Variants in ADGRL2 observed in about 807,000 individuals in gnomAD.
ADGRL2 encodes calcium-independent alpha-latrotoxin receptor 2.
ADGRL2 carries 44 observed loss-of-function variants against 157.4 expected under a neutral mutation model. The ratio of observed to expected loss-of-function variants is 0.28; its 90% CI spans 0.22 to 0.36. The LOEUF is 0.36. ADGRL2 is among the 10% of genes least tolerant of loss of function. The pLI, the probability that ADGRL2 is intolerant of heterozygous loss-of-function variation, is 1.00. For synonymous variants in ADGRL2, 585 were observed against 624.7 expected (o/e 0.94, Z 0.95); for missense variants, 1,510 against 1,768.9 (o/e 0.85, Z 2.63).
intron 1 of ADGRL2, among the ~76,000 whole-genome samples, chr1:81,436,521 A>G (rs1231516883): frequency 6.6e-6 from 1 of 152,246 alleles, no homozygotes; most frequent in East Asian, 1.9e-4. Context: ...GAGTGCTGGG[A>G]TCACTTTATG....
intron 1 of ADGRL2, among the ~76,000 whole-genome samples, chr1:81,316,405 C>T (rs1660112944): frequency 6.6e-6 from 1 of 152,050 alleles, no homozygotes; most frequent in African/African-American, 2.4e-5. Context: ...TTAAGTTTCA[C>T]AAAATTATTT....
chr1:81,443,099 C>T (rs1029877386), intron 1 of ADGRL2, among the ~76,000 whole-genome samples: 1 of 151,924 alleles, frequency 6.6e-6, no homozygotes, highest in Non-Finnish European at 1.5e-5. Context: ...AATGATTAGC[C>T]CATCTGGGAA....
At chr1:81,393,642 G>C (rs1003412281) in intron 1 of ADGRL2, among the ~76,000 whole-genome samples, 14 of 152,108 alleles carry the variant, frequency 9.2e-5, no homozygotes, top group African/African-American at 3.1e-4. Flanking sequence ...CAAGAGGTAG[G>C]AGGATGCTAC....
At chr1:81,979,076 T>A (rs150547902) in intron 17 of ADGRL2, among the ~76,000 whole-genome samples, 219 of 151,806 alleles carry the variant, frequency 1.4e-3, no homozygotes, top group Admixed American at 3.4e-3. Context: ...ATTACCAACC[T>A]TTGTCTCTCA....
At chr1:81,339,745 T>C (rs17106414) in intron 1 of ADGRL2, among the ~76,000 whole-genome samples, 2,226 of 152,288 alleles carry the variant, frequency 0.015, 54 homozygotes, top group African/African-American at 0.051. Context: ...AAAGGACCTG[T>C]ACTCTCTTGG....
chr1:81,489,522 G>A (rs546875888), intron 2 of ADGRL2, among the ~76,000 whole-genome samples: 1 of 152,234 alleles, frequency 6.6e-6, no homozygotes, highest in East Asian at 1.9e-4. Context: ...AGAAGTAGAG[G>A]AGAGACAGGA....
chr1:81,785,511 CAA>C (rs1156674770), intron 2 of ADGRL2, among the ~76,000 whole-genome samples: 2 of 152,060 alleles, frequency 1.3e-5, no homozygotes, highest in East Asian at 3.9e-4. Context: ...GAGGATTGCT[CAA>C]ACCCAAGAGT....
chr1:81,543,612 C>T (rs529286692), intron 2 of ADGRL2, among the ~76,000 whole-genome samples: 1 of 152,310 alleles, frequency 6.6e-6, no homozygotes, highest in Admixed American at 6.5e-5. Flanking sequence ...ATTAACATCG[C>T]CTTTCACTGG....
At chr1:81,545,127 C>A (rs2079982420) in intron 2 of ADGRL2, among the ~76,000 whole-genome samples, 1 of 152,110 alleles carries the variant, frequency 6.6e-6, no homozygotes, top group African/African-American at 2.4e-5. Flanking sequence ...ACATTTATTT[C>A]TTATAATCTC....
intron 19 of ADGRL2, chr1:81,984,282 A>G (rs1441883358): frequency 5.5e-6 from 1 of 182,330 alleles, no homozygotes; most frequent in African/African-American, 2.3e-5. Flanking sequence ...GAATAAAACT[A>G]TAAATATATT....
intron 3 of ADGRL2, among the ~76,000 whole-genome samples, chr1:81,922,139 T>C (rs1000837598): frequency 7.9e-5 from 12 of 152,148 alleles, no homozygotes; most frequent in Middle Eastern, 3.2e-3. Context: ...TCCCTTATAG[T>C]GTAACAAACT....
At chr1:81,376,738 T>C (rs191726957) in intron 1 of ADGRL2, among the ~76,000 whole-genome samples, 2 of 152,248 alleles carry the variant, frequency 1.3e-5, no homozygotes, top group African/African-American at 4.8e-5. Flanking sequence ...GAAGAAGATG[T>C]ACACCCCAGG....
In ADGRL2 at chr1:81,871,873, C is replaced by T. The variant is rs955072865; in HGVS notation, c.73+34816C>T. On this transcript the variant is annotated intron_variant, in intron 2 of 23. Coordinates refer to ENST00000686636, the MANE Select transcript of ADGRL2 (RefSeq NM_001366006.2). Reference sequence around the variant, plus strand: ...TAGATTGCAAAAATTTTCTCCCATTCTGTAGGTTGCCTGTTCACTCTGATG... The same window carrying T: ...TAGATTGCAAAAATTTTCTCCCATTTTGTAGGTTGCCTGTTCACTCTGATG... 9.9e-5 allele frequency among the ~76,000 whole-genome samples: 15 copies of T among 152,192 alleles called. No homozygotes were observed. The East Asian group carries it at 1.4e-3, about 14-fold the overall frequency.
chr1:81,977,793 T>G (rs1030478811), intron 17 of ADGRL2, among the ~76,000 whole-genome samples: 6 of 151,622 alleles, frequency 4.0e-5, no homozygotes, highest in Admixed American at 2.6e-4. Flanking sequence ...TTCAGGAAAT[T>G]GTTTAAGAAG....
chr1:81,390,823 G>C (rs1375835941), intron 1 of ADGRL2, among the ~76,000 whole-genome samples: 3 of 152,308 alleles, frequency 2.0e-5, no homozygotes, highest in Non-Finnish European at 4.4e-5. Context: ...CCAATCCACT[G>C]TGGATGGACA....
intron 1 of ADGRL2, among the ~76,000 whole-genome samples, chr1:81,402,294 T>C (rs1297765015): frequency 6.6e-6 from 1 of 152,182 alleles, no homozygotes; most frequent in African/African-American, 2.4e-5. Flanking sequence ...CCACTCTGCC[T>C]GCCAGGCTCC....
chr1:81,771,538 A>T (rs2149347465), intron 2 of ADGRL2, among the ~76,000 whole-genome samples: 1 of 152,326 alleles, frequency 6.6e-6, no homozygotes, highest in Non-Finnish European at 1.5e-5. Context: ...TCAATGTATA[A>T]CTAAAGAGGA....
intron 2 of ADGRL2, among the ~76,000 whole-genome samples, chr1:81,765,342 G>A (rs2086078072): frequency 6.6e-6 from 1 of 151,916 alleles, no homozygotes; most frequent in African/African-American, 2.4e-5. Context: ...GAAGAAAAAT[G>A]AACAAAATTA....
chr1:81,347,040 A>G (rs183862421), intron 1 of ADGRL2, among the ~76,000 whole-genome samples: 32 of 152,316 alleles, frequency 2.1e-4, no homozygotes, highest in Non-Finnish European at 8.8e-5. Context: ...AGCTGAAGAG[A>G]AAGTGTTCAT....
Sources: allele counts gnomAD v4.1 joint callset (sites outside exome capture counted in the v4.1 genomes callset), GRCh38; gene constraint gnomAD v4.1.1; transcripts MANE v1.5; gene names NCBI Gene and HGNC (gene_info 2026-07-23, HGNC 2026-07-21).